The following SHC3 variants were observed in gnomAD, a reference collection of about 807,000 sequenced individuals.
SHC3 encodes the protein SHC adaptor protein 3, also known as SHC-transforming protein 3.
In SHC3, 15 loss-of-function variants were observed where a neutral mutation model predicts 60.4. The observed-to-expected ratio is 0.25, with a 90% CI of 0.17 to 0.38. SHC3 has a LOEUF of 0.38. SHC3 is among the 10% of genes least tolerant of loss of function. The pLI, the probability that SHC3 is intolerant of heterozygous loss-of-function variation, is 1.00. For synonymous variants in SHC3, 294 were observed against 325.9 expected, an observed-to-expected ratio of 0.90 and a Z score of 1.05; for missense variants, 677 against 786.1, an observed-to-expected ratio of 0.86 and a Z score of 1.66.
At chr9:89,035,312 T>C (rs1423169832) in intron 11 of SHC3, among the ~76,000 whole-genome samples, 1 of 152,166 alleles carries the variant, frequency 6.6e-6, no homozygotes, top group African/African-American at 2.4e-5. Flanking sequence ...GCAAGCCCTA[T>C]TGAAATCCCA....
At chr9:89,129,088 G>A (rs1826205370) in intron 1 of SHC3, among the ~76,000 whole-genome samples, 1 of 152,158 alleles carries the variant, frequency 6.6e-6, no homozygotes, top group South Asian at 2.1e-4. Context: ...AAAAACCATG[G>A]CACGAGAACT....
chr9:89,171,443 G>A (rs1826867682), intron 1 of SHC3, among the ~76,000 whole-genome samples: 1 of 152,198 alleles, frequency 6.6e-6, no homozygotes, highest in Non-Finnish European at 1.5e-5. Flanking sequence ...TCCAGAGTTT[G>A]AAGGGTTCAT....
In SHC3 at chr9:89,163,612, G is replaced by T. The variant is rs375354760; in HGVS notation, c.474+14375C>A. ...ACTGTTGTGGGGTGGGGGGAGGGGG[G>T]AGGGATAGCATCGGGAGATATACCT... On this transcript the variant is annotated intron_variant, in intron 1 of 11. Transcript: ENST00000375835. Among the ~76,000 whole-genome samples, 596 of 98,936 alleles carry T rather than the reference G, an allele frequency of 6.0e-3. 6 individuals are homozygous for T. The highest frequency in any genetic ancestry group is 0.022 in the African/African-American group (558 of 25,092). The allele number at this position is 98,936 out of a possible 152,430, so 64.9% of individuals were successfully genotyped here.
chr9:89,150,562 C>T (rs11137523), intron 1 of SHC3, among the ~76,000 whole-genome samples: 2,168 of 152,276 alleles, frequency 0.014, 25 homozygotes, highest in Middle Eastern at 0.024. Context: ...TGGCTGAATA[C>T]TATTCCGTTG....
chr9:89,033,062 T>C lies in SHC3; in HGVS notation c.1656+4931A>G, dbSNP rs1467892450. Among the ~76,000 whole-genome samples the C allele has an allele frequency of 2.1e-5, 3 of 145,818 alleles. No homozygotes were observed. The East Asian group carries it at 6.8e-4, about 33-fold the overall frequency. On this transcript the variant is annotated intron_variant, in intron 11 of 11. Transcript: ENST00000375835. The stretch of plus-strand genomic sequence containing the variant: ...TCATTAGTAGGTATGACTTGACAAA[T>C]TTTCTCAACAGTACTACAAGTTCCT...
In SHC3 at chr9:89,177,475, C is replaced by T. The variant is rs182620347; in HGVS notation, c.474+512G>A. On this transcript the variant is annotated intron_variant, in intron 1 of 11. Transcript: ENST00000375835. Reference sequence around the variant, plus strand: ...GTAAAGCCCGTCGAAGAGAAAGCAGCACAGCATTTGGCCTGCTCTGCAAGG... The same window carrying T: ...GTAAAGCCCGTCGAAGAGAAAGCAGTACAGCATTTGGCCTGCTCTGCAAGG... 4.6e-5 allele frequency among the ~76,000 whole-genome samples: 7 copies of T among 152,346 alleles called. No individual in the cohort carries two copies. In the East Asian group the frequency reaches 1.2e-3, roughly 25 times the overall value.
chr9:89,162,275 G>A (rs1162770772), intron 1 of SHC3, among the ~76,000 whole-genome samples: 7 of 151,208 alleles, frequency 4.6e-5, no homozygotes, highest in East Asian at 1.9e-4. Context: ...AAAAGAGCCC[G>A]CATCGCCAAG....
At chr9:89,022,021 T>C (rs1467889692) in intron 11 of SHC3, among the ~76,000 whole-genome samples, 1 of 152,154 alleles carries the variant, frequency 6.6e-6, no homozygotes, top group East Asian at 1.9e-4. Context: ...AATTTCCATA[T>C]TTCCTTTGTA....
chr9:89,034,077 G>A (rs1015054364), intron 11 of SHC3, among the ~76,000 whole-genome samples: 7 of 152,274 alleles, frequency 4.6e-5, no homozygotes, highest in Admixed American at 1.3e-4. Flanking sequence ...TAGAGTTTAT[G>A]ACAGGATTAC....
intron 2 of SHC3, among the ~76,000 whole-genome samples, chr9:89,090,922 C>T (rs1169459390): frequency 1.3e-5 from 2 of 152,130 alleles, no homozygotes; most frequent in African/African-American, 2.4e-5. Context: ...GGGTGGGGAT[C>T]CCCCAGGCAC....
In SHC3 at chr9:89,007,034, T is replaced by TA. The variant is rs1367721432; in HGVS notation, c.*6412dup. 1 of 152,244 alleles carries TA rather than the reference T, an allele frequency of 6.6e-6. No homozygotes were observed. The allele number at this position is 152,244 out of a possible 1,614,324, so 9.4% of individuals were successfully genotyped here. A position where few individuals can be genotyped will look rare whatever the true frequency, so the allele number is the denominator to read the frequency against. On this transcript the variant is annotated 3_prime_UTR_variant, in exon 12 of 12. Coordinates refer to ENST00000375835, the MANE Select transcript of SHC3 (RefSeq NM_016848.6). The stretch of plus-strand genomic sequence containing the variant: ...ACAACAAAATAGACACCTAAAATTG[T>TA]ATGAGATTTTATTCCTGGTGCTTTT...
intron 3 of SHC3, 50 bp from the exon 4 acceptor site, chr9:89,075,278 G>C (rs760625489): frequency 5.0e-6 from 8 of 1,600,352 alleles, no homozygotes; most frequent in Non-Finnish European, 6.8e-6. Flanking sequence ...CATCTCAAAG[G>C]GTGGGGATGT....
At chr9:89,125,819 C>T (rs1051956020) in intron 1 of SHC3, among the ~76,000 whole-genome samples, 2 of 152,096 alleles carry the variant, frequency 1.3e-5, no homozygotes, top group East Asian at 1.9e-4. Flanking sequence ...AATTGCCCAC[C>T]GCCTTCCCAG....
chr9:89,116,103 T>C (rs2118126029), intron 1 of SHC3, among the ~76,000 whole-genome samples: 1 of 152,322 alleles, frequency 6.6e-6, no homozygotes, highest in Non-Finnish European at 1.5e-5. Context: ...GATACTGTGA[T>C]GAAGGTTGCA....
intron 2 of SHC3, among the ~76,000 whole-genome samples, chr9:89,111,095 C>G (rs780118336): frequency 6.6e-6 from 1 of 152,178 alleles, no homozygotes; most frequent in Non-Finnish European, 1.5e-5. Context: ...CCTAGCAAAG[C>G]CGGAGAGTCA....
intron 9 of SHC3, among the ~76,000 whole-genome samples, chr9:89,042,438 G>A (rs1365190472): frequency 6.6e-6 from 1 of 152,196 alleles, no homozygotes; most frequent in Admixed American, 6.5e-5. Flanking sequence ...CCACTGTGAT[G>A]GCCTTAGCAA....
At chr9:89,095,193 T>C (rs765571387) in intron 2 of SHC3, among the ~76,000 whole-genome samples, 1 of 152,178 alleles carries the variant, frequency 6.6e-6, no homozygotes, top group Non-Finnish European at 1.5e-5. Context: ...TTATTCACAC[T>C]GGTTAAAAGG....
intron 4 of SHC3, among the ~76,000 whole-genome samples, chr9:89,073,099 G>T (rs1825300570): frequency 6.6e-6 from 1 of 152,132 alleles, no homozygotes; most frequent in Admixed American, 6.5e-5. Flanking sequence ...GCTCCTAAGA[G>T]AATAATGAGG....
intron 2 of SHC3, among the ~76,000 whole-genome samples, chr9:89,083,141 G>T (rs574716509): frequency 6.6e-6 from 1 of 152,290 alleles, no homozygotes; most frequent in African/African-American, 2.4e-5. Flanking sequence ...CATGGGGAAG[G>T]TGAGCCAGGC....
Sources: gnomAD v4.1 joint callset for allele counts (sites outside exome capture counted in the v4.1 genomes callset) on GRCh38, gnomAD v4.1.1 for gene constraint, MANE v1.5 for transcripts, NCBI Gene and HGNC (gene_info 2026-07-23, HGNC 2026-07-21) for gene names.